Variants in SYNE1 observed in about 807,000 individuals in gnomAD.
The protein encoded by SYNE1 is nesprin-1.
SYNE1 carries 616 observed loss-of-function variants against 1,111.0 expected under a neutral mutation model. The observed-to-expected ratio is 0.55, with a 90% CI of 0.52 to 0.59. SYNE1 has a LOEUF of 0.59. SYNE1 is among the 20% of genes least tolerant of loss of function. The pLI is 0.00. For missense variants in SYNE1, 10,006 were observed against 10,417.0 expected, an observed-to-expected ratio of 0.96 and a Z score of 1.72; for synonymous variants, 3,855 against 3,825.8, an observed-to-expected ratio of 1.01 and a Z score of -0.28.
intron 6 of SYNE1, among the ~76,000 whole-genome samples, 184 bp downstream of exon 6, chr6:152,520,275 A>T (rs1478005419): frequency 1.3e-5 from 2 of 152,162 alleles, no homozygotes; most frequent in Non-Finnish European, 2.9e-5. Flanking sequence ...CTGTAGAAAT[A>T]AAATTTCTTT....
chr6:152,353,980 A>G (rs1029775759), intron 67 of SYNE1, among the ~76,000 whole-genome samples: 1 of 152,196 alleles, frequency 6.6e-6, no homozygotes, highest in African/African-American at 2.4e-5. Flanking sequence ...TTCAAAAATT[A>G]AAAATGAAAA....
chr6:152,407,535 T>C (rs1483555358), intron 44 of SYNE1, among the ~76,000 whole-genome samples: 1 of 152,210 alleles, frequency 6.6e-6, no homozygotes, highest in African/African-American at 2.4e-5. Flanking sequence ...GTGTTGTATT[T>C]ATTTTTGAAA....
intron 98 of SYNE1, among the ~76,000 whole-genome samples, chr6:152,275,660 G>A (rs2093565638): frequency 6.6e-6 from 1 of 151,876 alleles, no homozygotes; most frequent in Non-Finnish European, 1.5e-5. Flanking sequence ...TGGGTGGATT[G>A]CCTGTGCTCA....
intron 21 of SYNE1, among the ~76,000 whole-genome samples, chr6:152,461,314 C>A (rs180827295): frequency 1.3e-5 from 2 of 152,276 alleles, no homozygotes; most frequent in Admixed American, 1.3e-4. Flanking sequence ...ATCTCTCTTT[C>A]CCTCTCTTGG....
At chr6:152,409,482 G>C in intron 43 of SYNE1, 77 bp downstream of exon 43, 1 of 1,558,106 alleles carries the variant, frequency 6.4e-7, no homozygotes, top group South Asian at 1.1e-5. Flanking sequence ...GATAAGAATA[G>C]TGCAGATAAC....
intron 81 of SYNE1, 86 bp from the exon 82 acceptor site, chr6:152,323,823 G>T: frequency 6.9e-7 from 1 of 1,447,926 alleles, no homozygotes; most frequent in South Asian, 1.2e-5. Context: ...ACACACTAGT[G>T]TATGAAGCCA....
chr6:152,611,830 A>G (rs1320791590), intron 3 of SYNE1, among the ~76,000 whole-genome samples: 2 of 152,180 alleles, frequency 1.3e-5, no homozygotes, highest in East Asian at 3.9e-4. Context: ...ATTAGAACTC[A>G]GGATTAAGAA....
At chr6:152,623,663 AT>A (rs2128933598) in intron 3 of SYNE1, among the ~76,000 whole-genome samples, 1 of 152,334 alleles carries the variant, frequency 6.6e-6, no homozygotes, top group Admixed American at 6.5e-5. Flanking sequence ...AGGAACTTAA[AT>A]TTACAAGAAA....
chr6:152,376,690 A>G, intron 57 of SYNE1, 86 bp downstream of exon 57: 1 of 1,578,514 alleles, frequency 6.3e-7, no homozygotes, highest in Non-Finnish European at 8.7e-7. Context: ...CTGAACTAAT[A>G]TTATTTTGAA....
chr6:152,541,761 A>G lies in SYNE1; in HGVS notation c.68-1740T>C, dbSNP rs1318779596. ...AGACTCCATCTCAAAAAAAAAAAAA[A>G]AAAAGAAAAGAAATGCCACAGAATT... On this transcript the variant is annotated intron_variant, in intron 3 of 145. Coordinates refer to ENST00000367255, the MANE Select transcript of SYNE1 (RefSeq NM_182961.4). Among the ~76,000 whole-genome samples, 6 of 92,100 alleles carry G rather than the reference A, an allele frequency of 6.5e-5. 1 individual carries two copies. Among genetic ancestry groups the G allele is most frequent in the East Asian group, 3.8e-4 (1 of 2,658 alleles). The allele number at this position is 92,100 out of a possible 152,430, so 60.4% of individuals were successfully genotyped here. A position where few individuals can be genotyped will look rare whatever the true frequency, so the allele number is the denominator to read the frequency against.
intron 95 of SYNE1, among the ~76,000 whole-genome samples, chr6:152,289,064 A>G (rs933114078): frequency 9.2e-5 from 14 of 152,180 alleles, no homozygotes; most frequent in African/African-American, 3.4e-4. Flanking sequence ...ATACCACTAA[A>G]TTGTACAATT....
chr6:152,329,367 A>G (rs1407540973), intron 78 of SYNE1, among the ~76,000 whole-genome samples: 1 of 152,176 alleles, frequency 6.6e-6, no homozygotes, highest in East Asian at 1.9e-4. Context: ...CTCTACTAAA[A>G]AATACAAAAA....
intron 127 of SYNE1, among the ~76,000 whole-genome samples, chr6:152,197,151 T>C (rs1587563840): frequency 6.6e-6 from 1 of 152,138 alleles, no homozygotes. Context: ...AAAGAAGAGG[T>C]GGTGTGGGCA....
At position 152,331,514 on chromosome 6, in the gene SYNE1, A is replaced by G; in HGVS notation, c.13171T>C (p.Cys4391Arg). ...QNLLMDHLAI[C>R]SELEAKQMLL... ...ATCTGCTTGGCCTCCAGTTCACTGC[A>G]GATGGCCAGGTGATCCATGAGAAGG... Residue 4391 changes from cysteine (C) to arginine (R), a missense_variant, in exon 78 of 146, where the codon TGC becomes CGC. This residue lies in a region of SYNE1 where 4,955 missense variants were observed against 5,017.2 expected (regional missense o/e 0.99). Coordinates refer to ENST00000367255, the MANE Select transcript of SYNE1 (RefSeq NM_182961.4). 1 of 1,614,160 alleles carries G rather than the reference A, an allele frequency of 6.2e-7. No homozygotes were observed. The highest frequency in any genetic ancestry group is 1.7e-5 in the Admixed American group (1 of 60,020).
At position 152,122,249 on chromosome 6, in the gene SYNE1, TCC is replaced by T; in HGVS notation, c.*185_*186del. On this transcript the variant is annotated 3_prime_UTR_variant, in exon 146 of 146. Coordinates refer to ENST00000367255, the MANE Select transcript of SYNE1 (RefSeq NM_182961.4). ...CCAAACCTTCTTGTTGTCTGTTTGT[TCC>T]CCCGTCACTGTTTATCTTCCACCTC... 1 of 843,152 alleles carries T rather than the reference TCC, an allele frequency of 1.2e-6. No homozygotes were observed. Among genetic ancestry groups the T allele is most frequent in the Non-Finnish European group, 1.9e-6 (1 of 535,610 alleles). The allele number at this position is 843,152 out of a possible 1,614,324, so 52.2% of individuals were successfully genotyped here. A position where few individuals can be genotyped will look rare whatever the true frequency, so the allele number is the denominator to read the frequency against.
chr6:152,489,457 CTTTTT>C (rs3076635), intron 11 of SYNE1, among the ~76,000 whole-genome samples: 1 of 112,316 alleles, frequency 8.9e-6, no homozygotes, highest in African/African-American at 3.3e-5. Context: ...CTTGGTGTGT[CTTTTT>C]TTTTTTTTTT....
intron 95 of SYNE1, among the ~76,000 whole-genome samples, chr6:152,291,110 T>TATATACAATTATATTA (rs1363616122): frequency 6.2e-4 from 87 of 140,130 alleles, no homozygotes; most frequent in African/African-American, 1.8e-3. Flanking sequence ...GATATATTAA[T>TATATACAATTATATTA]ATATGCAATT....
At chr6:152,623,744 G>A (rs2099680452) in intron 3 of SYNE1, among the ~76,000 whole-genome samples, 1 of 152,086 alleles carries the variant, frequency 6.6e-6, no homozygotes, top group South Asian at 2.1e-4. Flanking sequence ...AGATATACAT[G>A]CGGCCAACAA....
intron 3 of SYNE1, 34 bp from the exon 4 acceptor site, chr6:152,540,055 A>G (rs944888574): frequency 5.6e-6 from 9 of 1,597,140 alleles, no homozygotes; most frequent in Non-Finnish European, 7.7e-6. Flanking sequence ...TAAATAATGT[A>G]ATATTTCATG....
Sources: allele counts gnomAD v4.1 joint callset (sites outside exome capture counted in the v4.1 genomes callset), GRCh38; gene constraint gnomAD v4.1.1; regional missense constraint gnomAD v4.1.1; transcripts MANE v1.5; gene names NCBI Gene and HGNC (gene_info 2026-07-23, HGNC 2026-07-21).